ADRA1B: variants seen among roughly 807,000 people sequenced by gnomAD.
ADRA1B encodes adrenoceptor alpha 1B, also known as alpha-1B adrenergic receptor.
Under a neutral mutation model 17.9 loss-of-function variants are expected in ADRA1B, and 17 were observed. The observed-to-expected ratio is 0.95, with a 90% confidence interval of 0.65 to 1.42. The LOEUF (loss-of-function observed/expected upper bound fraction) is 1.42, where lower values mean the gene tolerates loss of function less well. Ranked by LOEUF, ADRA1B falls within the 40% of genes most tolerant of loss-of-function variation. ADRA1B has a pLI of 0.00. For missense variants in ADRA1B, 681 were observed against 722.1 expected (o/e 0.94, Z 0.65); for synonymous variants, 366 against 327.6 (o/e 1.12, Z -1.27).
intron 1 of ADRA1B, among the ~76,000 whole-genome samples, chr5:159,952,956 C>T (rs557424034): frequency 1.3e-5 from 2 of 152,340 alleles, no homozygotes; most frequent in East Asian, 1.9e-4. Context: ...CTGAAACACA[C>T]TTGCCCTGTT....
chr5:159,950,754 G>A (rs1755413677), intron 1 of ADRA1B: 3 of 632,250 alleles, frequency 4.7e-6, no homozygotes, highest in Non-Finnish European at 8.8e-6. Context: ...CAGGTTTTTC[G>A]AGACGGCAGG....
At chr5:159,981,146 A>G in the ADRA1B span, among the ~76,000 whole-genome samples, 1 of 152,192 alleles carries the variant, frequency 6.6e-6, no homozygotes, top group Non-Finnish European at 1.5e-5. Context: ...ATAGAGAAAT[A>G]CAGATATGCA....
chr5:159,867,266 G>A (rs775812999), intron 1 of ADRA1B, among the ~76,000 whole-genome samples: 2 of 152,152 alleles, frequency 1.3e-5, no homozygotes, highest in Non-Finnish European at 2.9e-5. Flanking sequence ...TTTTTCTGGT[G>A]TTGAGAATCT....
intron 1 of ADRA1B, among the ~76,000 whole-genome samples, chr5:159,965,056 C>T (rs563796947): frequency 6.6e-6 from 1 of 152,252 alleles, no homozygotes; most frequent in South Asian, 2.1e-4. Flanking sequence ...GGTTTGAACC[C>T]AGATCTACCT....
intron 1 of ADRA1B, among the ~76,000 whole-genome samples, chr5:159,876,212 A>G (rs1038357622): frequency 2.6e-5 from 4 of 152,108 alleles, no homozygotes; most frequent in African/African-American, 9.7e-5. Context: ...ACAAAACAAT[A>G]AGGACTTTTA....
chr5:159,917,023 C>T lies in ADRA1B; in HGVS notation c.118C>T (p.Leu40=), dbSNP rs1321622961. The change falls in exon 1 of 2, where the codon CTG becomes TTG. Residue 40 remains leucine (L), a synonymous_variant. Coordinates refer to ENST00000306675, the MANE Select transcript of ADRA1B (RefSeq NM_000679.4). ...QTSSNSTLPQ[L]DITRAISVGL... ...CTCGAGCAACTCCACACTGCCCCAG[C>T]TGGACATCACCAGGGCCATCTCTGT... 1.2e-6 allele frequency: 2 copies of T among 1,614,206 alleles called. No homozygotes were observed. The highest frequency in any genetic ancestry group is 3.3e-5 in the Admixed American group (2 of 60,032).
At chr5:159,930,070 G>GT (rs1754759372) in intron 1 of ADRA1B, among the ~76,000 whole-genome samples, 1 of 152,158 alleles carries the variant, frequency 6.6e-6, no homozygotes, top group East Asian at 1.9e-4. Context: ...GTTACTGCTG[G>GT]TTTTCATGGC....
At chr5:159,963,146 C>A (rs180870012) in intron 1 of ADRA1B, among the ~76,000 whole-genome samples, 1 of 150,372 alleles carries the variant, frequency 6.7e-6, no homozygotes. Context: ...TTGGAAAACA[C>A]CAAAAAGCAC....
At chr5:159,923,202 C>T (rs1462459027) in intron 1 of ADRA1B, among the ~76,000 whole-genome samples, 2 of 152,274 alleles carry the variant, frequency 1.3e-5, no homozygotes, top group African/African-American at 2.4e-5. Flanking sequence ...CATGCAAGGG[C>T]TTTTAGGCCA....
At chr5:159,950,744 C>T (rs1446051302) in intron 1 of ADRA1B, 1 of 645,126 alleles carries the variant, frequency 1.6e-6, no homozygotes, top group African/African-American at 1.8e-5. Flanking sequence ...TCATATTTGG[C>T]AGGTTTTTCG....
rs147215538 is a variant in ADRA1B, at chr5:159,907,394, A to G, written c.-255-8725A>G. ...TGTATTAGAATGAGATAATTCATGTAAAGTATATAACAGATGCCTAGTACA... is the reference window on the plus strand; with the variant it reads ...TGTATTAGAATGAGATAATTCATGTGAAGTATATAACAGATGCCTAGTACA... On this transcript the variant is annotated intron_variant, in intron 1 of 2. Transcript: ENST00000641205. Among the ~76,000 whole-genome samples, 548 of 152,356 alleles carry G rather than the reference A, an allele frequency of 3.6e-3. 5 individuals carry two copies. Among genetic ancestry groups the G allele is most frequent in the African/African-American group, 0.012 (513 of 41,568 alleles).
chr5:159,868,224 AATGATAATAAATT>A (rs1278778005), intron 1 of ADRA1B: 1 of 152,258 alleles, frequency 6.6e-6, no homozygotes, highest in Non-Finnish European at 1.5e-5. Flanking sequence ...CATGGTTAAT[AATGATAATAAATT>A]ATGTACAAAT....
intron 1 of ADRA1B, among the ~76,000 whole-genome samples, chr5:159,951,924 C>T (rs1319707875): frequency 6.6e-6 from 1 of 152,192 alleles, no homozygotes; most frequent in Non-Finnish European, 1.5e-5. Context: ...GTGAGTTAGG[C>T]ATCTCTTCTC....
chr5:159,891,958 G>T (rs533026036), intron 1 of ADRA1B, among the ~76,000 whole-genome samples: 2 of 152,324 alleles, frequency 1.3e-5, no homozygotes, highest in South Asian at 2.1e-4. Flanking sequence ...CAGCTATCTG[G>T]CCAGGCGCGC....
chr5:159,893,562 G>T (rs1423518641), intron 1 of ADRA1B, among the ~76,000 whole-genome samples: 7 of 152,202 alleles, frequency 4.6e-5, no homozygotes, highest in Non-Finnish European at 8.8e-5. Context: ...ACTAGGGGTT[G>T]TACTAAGCCA....
chr5:159,971,366 C>CA lies in ADRA1B; in HGVS notation c.950-506dup, dbSNP rs558621490. On this transcript the variant is annotated intron_variant, in intron 1 of 1. Coordinates refer to ENST00000306675, the MANE Select transcript of ADRA1B (RefSeq NM_000679.4). ...GTATTGTTTTTCTTCACCCCTAGAT[C>CA]AAAAAAATAGTCTTTTATGTTGTTC... 2.9e-3 allele frequency among the ~76,000 whole-genome samples: 438 copies of CA among 152,122 alleles called. 2 individuals are homozygous for CA. The highest frequency in any genetic ancestry group is 9.1e-3 in the African/African-American group (377 of 41,530).
chr5:159,890,090 G>A (rs1176901232), intron 1 of ADRA1B, among the ~76,000 whole-genome samples: 1 of 152,142 alleles, frequency 6.6e-6, no homozygotes, highest in Non-Finnish European at 1.5e-5. Context: ...TTGGGCAACG[G>A]GTGCTTGCCT....
At chr5:159,902,619 G>T (rs1267516057) in intron 1 of ADRA1B, among the ~76,000 whole-genome samples, 1 of 152,144 alleles carries the variant, frequency 6.6e-6, no homozygotes, top group Non-Finnish European at 1.5e-5. Context: ...ATTTCCTGTT[G>T]CCACATCTTA....
rs549496705 is a variant in ADRA1B, at chr5:159,919,877, G to A, written c.949+2023G>A. ...AGCATATTCAAATGGGAAGAACACG[G>A]CTCTGGTGATCAGGAGCAACAGAGT... On this transcript the variant is annotated intron_variant, in intron 1 of 1. Coordinates refer to ENST00000306675, the MANE Select transcript of ADRA1B (RefSeq NM_000679.4). 2.6e-5 allele frequency among the ~76,000 whole-genome samples: 4 copies of A among 152,274 alleles called. No homozygotes were observed. In the South Asian group the frequency reaches 6.2e-4, roughly 24 times the overall value.
Sources: allele counts gnomAD v4.1 joint callset (sites outside exome capture counted in the v4.1 genomes callset), GRCh38; gene constraint gnomAD v4.1.1; transcripts MANE v1.5; gene names NCBI Gene and HGNC (gene_info 2026-07-23, HGNC 2026-07-21).